CHD2: variants seen among roughly 807,000 people sequenced by gnomAD.
CHD2 encodes ATP-dependent chromatin remodeler CHD2.
A neutral mutation model predicts 243.9 loss-of-function variants in CHD2; 28 were observed. That is an observed-to-expected ratio of 0.11 (90% CI 0.09 to 0.16). The LOEUF (loss-of-function observed/expected upper bound fraction) is 0.16. CHD2 is among the 10% of genes least tolerant of loss of function. The pLI is 1.00. For missense variants in CHD2, 1,386 were observed against 2,209.8 expected, an observed-to-expected ratio of 0.63 and a Z score of 7.47; for synonymous variants, 775 against 779.0, an observed-to-expected ratio of 0.99 and a Z score of 0.09.
intron 2 of CHD2, 91 bp from the exon 3 acceptor site, chr15:92,924,230 C>G: frequency 9.2e-7 from 1 of 1,082,240 alleles, no homozygotes; most frequent in African/African-American, 1.6e-5. Flanking sequence ...AAATTACTAT[C>G]TGCAAATGTT....
At chr15:92,955,363 TTATGTGA>T in intron 14 of CHD2, 53 bp from the exon 15 acceptor site, 1 of 1,012,072 alleles carries the variant, frequency 9.9e-7, no homozygotes. Context: ...ATCACAAAAC[TTATGTGA>T]TATAGAAAGG....
chr15:92,904,801 T>G (rs2052589071), intron 2 of CHD2: 1 of 1,477,270 alleles, frequency 6.8e-7, no homozygotes, highest in Non-Finnish European at 8.9e-7. Context: ...TGTGAAGAGA[T>G]GAGTGGGTTT....
intron 26 of CHD2, among the ~76,000 whole-genome samples, chr15:92,990,968 T>A (rs1233118615): frequency 6.6e-6 from 1 of 152,180 alleles, no homozygotes; most frequent in Non-Finnish European, 1.5e-5. Flanking sequence ...AAATCATATT[T>A]TACTGTGCCT....
rs764068243 is a variant in CHD2 at position 93,014,775 on chromosome 15, T to G, written c.4772T>G (p.Leu1591Arg). The G allele has an allele frequency of 6.2e-6, 10 of 1,614,200 alleles. No individual in the cohort carries two copies. The highest frequency in any genetic ancestry group is 7.6e-6 in the Non-Finnish European group (9 of 1,180,026). The change falls in exon 37 of 39, where the codon CTG becomes CGG. Residue 1591 changes from leucine (L) to arginine (R), a missense_variant. Physicochemically the swap from Leu to Arg is moderately radical, Grantham distance 102. Around this residue, in one of 19 missense-constraint regions of CHD2, gnomAD observed 347 missense variants for 341.6 expected, o/e 1.02. Transcript: ENST00000394196. ...PEASGSSRDS[L>R]ISQSHTSHNL... is the part of the protein sequence containing the mutation. ...GCCTCAGGCTCCAGCCGGGACTCTC[T>G]GATATCTCAGTCCCATACCTCACAC...
At chr15:92,926,927 A>G (rs539013613) in intron 3 of CHD2, among the ~76,000 whole-genome samples, 1 of 152,336 alleles carries the variant, frequency 6.6e-6, no homozygotes, top group Non-Finnish European at 1.5e-5. Context: ...AAAATGTATC[A>G]GTAAATACTT....
chr15:92,915,927 C>T (rs2052825636), intron 2 of CHD2, among the ~76,000 whole-genome samples: 2 of 152,334 alleles, frequency 1.3e-5, no homozygotes, highest in South Asian at 4.1e-4. Flanking sequence ...CCCCTCTGTT[C>T]ACCTAAGACA....
chr15:92,923,830 C>T (rs2053006689), intron 2 of CHD2, among the ~76,000 whole-genome samples: 2 of 152,084 alleles, frequency 1.3e-5, no homozygotes. Flanking sequence ...TCCCAAAGTG[C>T]TGGGATTACA....
chr15:92,974,576 C>G (rs2053883272), intron 19 of CHD2, among the ~76,000 whole-genome samples: 1 of 152,160 alleles, frequency 6.6e-6, no homozygotes, highest in Non-Finnish European at 1.5e-5. Flanking sequence ...AACCCAGCCT[C>G]CAAGCACAGG....
intron 16 of CHD2, among the ~76,000 whole-genome samples, chr15:92,966,231 T>C (rs1357819634): frequency 6.6e-6 from 1 of 151,748 alleles, no homozygotes; most frequent in Non-Finnish European, 1.5e-5. Context: ...GCCCAGCTAA[T>C]TTTTGTATTT....
intron 33 of CHD2, among the ~76,000 whole-genome samples, chr15:93,003,550 A>AAC (rs2054283898): frequency 6.6e-6 from 1 of 150,576 alleles, no homozygotes; most frequent in Admixed American, 6.6e-5. Flanking sequence ...ACTGTTGTTA[A>AAC]TATTTTTTCA....
At chr15:92,991,609 A>G in intron 27 of CHD2, 92 bp downstream of exon 27, 2 of 838,864 alleles carry the variant, frequency 2.4e-6, no homozygotes, top group Non-Finnish European at 3.7e-6. Context: ...TTTAATACTA[A>G]TGCTGGGAAC....
intron 26 of CHD2, among the ~76,000 whole-genome samples, chr15:92,986,758 C>G (rs1269347887): frequency 6.6e-6 from 1 of 152,154 alleles, no homozygotes; most frequent in Non-Finnish European, 1.5e-5. Context: ...GAATCTTGCT[C>G]TCTTGCACAG....
At chr15:92,962,986 A>C (rs1201673093) in intron 16 of CHD2, among the ~76,000 whole-genome samples, 1 of 152,136 alleles carries the variant, frequency 6.6e-6, no homozygotes, top group Non-Finnish European at 1.5e-5. Flanking sequence ...TGCATGATAT[A>C]TTGTTTTCCA....
intron 13 of CHD2, chr15:92,950,480 C>G (rs1248342244): frequency 2.0e-5 from 3 of 152,056 alleles, no homozygotes; most frequent in South Asian, 2.1e-4. Context: ...CCCGAAGTAC[C>G]CAATTAAGTG....
In CHD2 at chr15:92,913,425, C is replaced by T. The variant is rs145529138; in HGVS notation, c.63-10896C>T. Among the ~76,000 whole-genome samples, 56 of 152,268 alleles carry T rather than the reference C, an allele frequency of 3.7e-4. 1 individual carries two copies. The East Asian group carries it at 0.01, about 28-fold the overall frequency. ...GTTTGTCCCCTTCCATTACCCTGGA[C>T]ATTTTTGCTTGTCACTCTGGGGGTG... On this transcript the variant is annotated intron_variant, in intron 2 of 38. Coordinates refer to ENST00000394196, the MANE Select transcript of CHD2 (RefSeq NM_001271.4).
Position 92,903,595 on chromosome 15 carries a change from TTTGA to T in CHD2, c.62+2302_62+2305del, listed in dbSNP as rs200107483. ...TTTAAAAAACGCGATTTTAAAAACA[TTTGA>T]TTGATATTTGTAAAATTTCTAAGTA... On this transcript the variant is annotated intron_variant, in intron 2 of 38. Transcript: ENST00000394196. Among the ~76,000 whole-genome samples the T allele has an allele frequency of 5.3e-3, 806 of 152,324 alleles. 9 individuals are homozygous for T. Among genetic ancestry groups the T allele is most frequent in the African/African-American group, 0.017 (715 of 41,558 alleles).
At chr15:92,995,765 A>G (rs1393969178) in intron 28 of CHD2, among the ~76,000 whole-genome samples, 1 of 152,178 alleles carries the variant, frequency 6.6e-6, no homozygotes, top group African/African-American at 2.4e-5. Flanking sequence ...TATCTTTGGG[A>G]TAAATTTCTA....
intron 2 of CHD2, among the ~76,000 whole-genome samples, chr15:92,908,464 CT>C (rs1192362135): frequency 1.3e-5 from 2 of 152,174 alleles, no homozygotes; most frequent in African/African-American, 4.8e-5. Context: ...ATGGGTTCTA[CT>C]TTTTATTCCC....
rs2053261765 is a variant in CHD2, at chr15:92,936,049, C to A, written c.444-1469C>A. Among the ~76,000 whole-genome samples, 3 of 152,060 alleles carry A rather than the reference C, an allele frequency of 2.0e-5. No homozygotes were observed. The South Asian group carries it at 6.2e-4, about 32-fold the overall frequency. ...CAAGGACCCATCTACTGGGGAAATG[C>A]ATATGGAAACACGCAGTGCTAGTAG... On this transcript the variant is annotated intron_variant, in intron 5 of 38. Coordinates refer to ENST00000394196, the MANE Select transcript of CHD2 (RefSeq NM_001271.4).
Sources: gnomAD v4.1 joint callset for allele counts (sites outside exome capture counted in the v4.1 genomes callset) on GRCh38, gnomAD v4.1.1 for gene constraint, gnomAD v4.1.1 regional missense constraint, MANE v1.5 for transcripts, NCBI Gene and HGNC (gene_info 2026-07-23, HGNC 2026-07-21) for gene names.